Variants in FAM50B observed in about 807,000 individuals in gnomAD.
FAM50B encodes family with sequence similarity 50 member B.
FAM50B carries 9 observed loss-of-function variants against 25.4 expected under a neutral mutation model. That is an observed-to-expected ratio of 0.35 (90% CI 0.21 to 0.62). FAM50B has a LOEUF of 0.62. Among genes scored for constraint, FAM50B ranks in the 20% least tolerant of loss-of-function variants. The pLI, the probability that FAM50B is intolerant of heterozygous loss-of-function variation, is 0.73. For missense variants in FAM50B, 372 were observed against 477.9 expected (o/e 0.78, Z 2.07); for synonymous variants, 212 against 204.3 (o/e 1.04, Z -0.32).
chr6:3,848,459 G>C (rs7758413), upstream of FAM50B, among the ~76,000 whole-genome samples: 19,445 of 152,134 alleles, frequency 0.13, 2,861 homozygotes, highest in African/African-American at 0.36. Context: ...GGCTCACACC[G>C]TGCTGTTCTC....
upstream of FAM50B, among the ~76,000 whole-genome samples, chr6:3,845,864 C>A (rs183849207): frequency 6.6e-6 from 1 of 152,264 alleles, no homozygotes; most frequent in African/African-American, 2.4e-5. Context: ...ACAAGGCATG[C>A]ACCACCACAC....
At chr6:3,842,359 C>T in the FAM50B span, among the ~76,000 whole-genome samples, 4 of 152,356 alleles carry the variant, frequency 2.6e-5, no homozygotes, top group East Asian at 7.7e-4. Context: ...CAGTGTCATA[C>T]TGTAATGCTT....
At chr6:3,841,243 G>A in the FAM50B span, among the ~76,000 whole-genome samples, 1 of 152,330 alleles carries the variant, frequency 6.6e-6, no homozygotes, top group East Asian at 1.9e-4. Context: ...AAAGTGATGA[G>A]CCAAGTAAAA....
chr6:3,843,907 G>A, the FAM50B span, among the ~76,000 whole-genome samples: 2 of 152,194 alleles, frequency 1.3e-5, no homozygotes, highest in African/African-American at 4.8e-5. Flanking sequence ...TGGTGGTGTT[G>A]GAGGGATCAT....
At chr6:3,847,698 GCTAA>G (rs1762139000), upstream of FAM50B, among the ~76,000 whole-genome samples, 1 of 152,198 alleles carries the variant, frequency 6.6e-6, no homozygotes, top group Non-Finnish European at 1.5e-5. Flanking sequence ...TCACAACTTA[GCTAA>G]CTGTTTGGCA....
chr6:3,844,552 A>T (rs1762100220), upstream of FAM50B, among the ~76,000 whole-genome samples: 3 of 152,080 alleles, frequency 2.0e-5, no homozygotes, highest in South Asian at 6.2e-4. Flanking sequence ...CTCTACTAAA[A>T]ATACAAAAAT....
chr6:3,843,351 G>C, the FAM50B span, among the ~76,000 whole-genome samples: 3 of 152,108 alleles, frequency 2.0e-5, no homozygotes, highest in Non-Finnish European at 4.4e-5. Context: ...TTTTTTGTTT[G>C]TGAAAATAAC....
At chr6:3,842,127 T>A in the FAM50B span, among the ~76,000 whole-genome samples, 1 of 152,262 alleles carries the variant, frequency 6.6e-6, no homozygotes, top group Non-Finnish European at 1.5e-5. Flanking sequence ...CTGAACCACC[T>A]GCTTTCAGTT....
At chr6:3,847,569 T>C (rs1341467166), upstream of FAM50B, among the ~76,000 whole-genome samples, 1 of 152,282 alleles carries the variant, frequency 6.6e-6, no homozygotes, top group Non-Finnish European at 1.5e-5. Flanking sequence ...GGTTTGATCT[T>C]CTATCCAGAC....
the FAM50B span, chr6:3,833,667 T>C: frequency 1.3e-5 from 2 of 152,228 alleles, no homozygotes; most frequent in African/African-American, 2.4e-5. Flanking sequence ...AAGAAATTTA[T>C]TGGCAGATCT....
At chr6:3,835,586 G>A in the FAM50B span, among the ~76,000 whole-genome samples, 12 of 152,180 alleles carry the variant, frequency 7.9e-5, no homozygotes, top group Non-Finnish European at 1.6e-4. Context: ...TAGAGAAGAA[G>A]CCACAGGAGG....
At chr6:3,834,359 C>CAAAAAAAAAAAAAAAAAAAAAAAAGAAA in the FAM50B span, among the ~76,000 whole-genome samples, 1 of 75,048 alleles carries the variant, frequency 1.3e-5, no homozygotes, top group African/African-American at 4.4e-5. Context: ...TGATATATGG[C>CAAAAAAAAAAAAAAAAAAAAAAAAGAAA]AAAAAAAAAA....
chr6:3,833,795 C>T, the FAM50B span: 15 of 152,202 alleles, frequency 9.9e-5, no homozygotes, highest in Admixed American at 7.2e-4. Flanking sequence ...AGAGGGATGG[C>T]GAGATGACTG....
chr6:3,843,248 T>A, the FAM50B span, among the ~76,000 whole-genome samples: 90 of 152,294 alleles, frequency 5.9e-4, no homozygotes, highest in African/African-American at 2.1e-3. Context: ...ATGTAAGAAT[T>A]ATTAGAAAAT....
upstream of FAM50B, among the ~76,000 whole-genome samples, chr6:3,848,077 C>T (rs1049116166): frequency 6.6e-6 from 1 of 152,196 alleles, no homozygotes; most frequent in African/African-American, 2.4e-5. Flanking sequence ...GCAGATATCA[C>T]AATGAAAAAG....
chr6:3,837,598 A>AGCCAT, the FAM50B span, among the ~76,000 whole-genome samples: 923 of 152,338 alleles, frequency 6.1e-3, 7 homozygotes, highest in African/African-American at 0.021. Context: ...AGCCCATTTT[A>AGCCAT]TGTTGCTATA....
chr6:3,844,700 C>T (rs1326853821), upstream of FAM50B, among the ~76,000 whole-genome samples: 1 of 152,016 alleles, frequency 6.6e-6, no homozygotes. Context: ...GAAGACAGAG[C>T]CAGACTCCGT....
At chr6:3,837,551 C>T in the FAM50B span, among the ~76,000 whole-genome samples, 1 of 152,002 alleles carries the variant, frequency 6.6e-6, no homozygotes, top group Non-Finnish European at 1.5e-5. Context: ...AGTAGAATGA[C>T]CAAAATATAA....
chr6:3,832,871 A>C, the FAM50B span, among the ~76,000 whole-genome samples: 6 of 150,808 alleles, frequency 4.0e-5, no homozygotes, highest in African/African-American at 1.5e-4. Flanking sequence ...TTTTTTTTTT[A>C]ATCTGAGACA....
Sources: allele counts gnomAD v4.1 joint callset (sites outside exome capture counted in the v4.1 genomes callset), GRCh38; gene constraint gnomAD v4.1.1; transcripts MANE v1.5; gene names NCBI Gene and HGNC (gene_info 2026-07-23, HGNC 2026-07-21).